KHDRBS2: variants seen among roughly 807,000 people sequenced by gnomAD.
The protein encoded by KHDRBS2 is KH RNA binding domain containing, signal transduction associated 2.
Under a neutral mutation model 44.3 loss-of-function variants are expected in KHDRBS2, and 26 were observed. The observed-to-expected ratio is 0.59, with a 90% CI of 0.43 to 0.81. The LOEUF (loss-of-function observed/expected upper bound fraction) is 0.81. Ranked by LOEUF, KHDRBS2 falls within the 40% of genes least tolerant of loss-of-function variation. The probability of loss-of-function intolerance (pLI) is 0.00; values close to 1 mark genes in which losing one functional copy is unlikely to be tolerated. For synonymous variants in KHDRBS2, 194 were observed against 151.1 expected (o/e 1.28, Z -2.08); for missense variants, 476 against 433.1 (o/e 1.10, Z -0.88).
At chr6:61,703,909 T>A (rs1769075837) in intron 7 of KHDRBS2, among the ~76,000 whole-genome samples, 1 of 151,886 alleles carries the variant, frequency 6.6e-6, no homozygotes, top group South Asian at 2.1e-4. Flanking sequence ...ATCCTGAATC[T>A]TCCCTTGGAG....
chr6:61,581,498 A>G, the KHDRBS2 span, among the ~76,000 whole-genome samples: 1 of 149,614 alleles, frequency 6.7e-6, no homozygotes, highest in Non-Finnish European at 1.5e-5. Context: ...AAGACATAAA[A>G]CTTGTGAAAT....
At chr6:61,895,066 A>G (rs1189813208) in intron 5 of KHDRBS2, among the ~76,000 whole-genome samples, 1 of 151,928 alleles carries the variant, frequency 6.6e-6, no homozygotes, top group Non-Finnish European at 1.5e-5. Flanking sequence ...AGTTCTTATA[A>G]AAACCATGTA....
intron 6 of KHDRBS2, among the ~76,000 whole-genome samples, chr6:61,811,669 T>G (rs1334942114): frequency 6.6e-6 from 1 of 152,148 alleles, no homozygotes; most frequent in Non-Finnish European, 1.5e-5. Flanking sequence ...AACATGTTTC[T>G]TGATATCTCA....
chr6:61,637,978 T>C, the KHDRBS2 span, among the ~76,000 whole-genome samples: 1 of 152,128 alleles, frequency 6.6e-6, no homozygotes, highest in African/African-American at 2.4e-5. Flanking sequence ...TCCCATTTTG[T>C]AGGTTGCCTG....
intron 2 of KHDRBS2, among the ~76,000 whole-genome samples, chr6:62,154,391 C>T (rs2150107770): frequency 6.6e-6 from 1 of 152,270 alleles, no homozygotes; most frequent in South Asian, 2.1e-4. Flanking sequence ...CCTAAAATTA[C>T]TTCACCAAAG....
At chr6:61,774,252 G>A (rs1239406850) in intron 6 of KHDRBS2, among the ~76,000 whole-genome samples, 16 of 152,064 alleles carry the variant, frequency 1.1e-4, no homozygotes, top group Admixed American at 2.6e-4. Flanking sequence ...CCATTTTCAC[G>A]ATATTGATTC....
chr6:62,217,406 CAT>C (rs1830200403), intron 1 of KHDRBS2, among the ~76,000 whole-genome samples: 1 of 151,854 alleles, frequency 6.6e-6, no homozygotes, highest in South Asian at 2.1e-4. Flanking sequence ...TAGAAGTAAA[CAT>C]ATATAATTTA....
chr6:62,016,482 A>G (rs1292110822), intron 3 of KHDRBS2, among the ~76,000 whole-genome samples: 1 of 150,934 alleles, frequency 6.6e-6, no homozygotes, highest in African/African-American at 2.4e-5. Flanking sequence ...ACATATGTAT[A>G]TATATATAGT....
At chr6:61,574,520 G>A in the KHDRBS2 span, 2,739 of 705,468 alleles carry the variant, frequency 3.9e-3, 67 homozygotes, top group African/African-American at 0.044. Flanking sequence ...GGGCGACCTC[G>A]GAGTATAACC....
chr6:61,751,930 T>G (rs1046299879), intron 6 of KHDRBS2, among the ~76,000 whole-genome samples: 2 of 139,838 alleles, frequency 1.4e-5, no homozygotes, highest in African/African-American at 2.5e-5. Context: ...CTTTCCTCTG[T>G]GTACACACTT....
chr6:62,042,902 A>T (rs1391123248), intron 3 of KHDRBS2, among the ~76,000 whole-genome samples: 2 of 152,106 alleles, frequency 1.3e-5, no homozygotes, highest in Non-Finnish European at 2.9e-5. Flanking sequence ...TTTAACATAT[A>T]ATCATGAGAC....
chr6:62,149,423 C>T (rs2150104159), intron 2 of KHDRBS2, among the ~76,000 whole-genome samples: 1 of 152,166 alleles, frequency 6.6e-6, no homozygotes. Context: ...TCTAGAGCAA[C>T]AGCTATCTTA....
intron 3 of KHDRBS2, among the ~76,000 whole-genome samples, chr6:62,001,351 A>G (rs1277927665): frequency 6.6e-6 from 1 of 152,024 alleles, no homozygotes; most frequent in East Asian, 1.9e-4. Context: ...TTGTGGGTGT[A>G]TGACGTAAAA....
At chr6:62,026,444 T>TA (rs1401316918) in intron 3 of KHDRBS2, among the ~76,000 whole-genome samples, 147 of 139,070 alleles carry the variant, frequency 1.1e-3, no homozygotes, top group South Asian at 2.5e-3. Context: ...TATTATTTTT[T>TA]TTTTTGGAGA....
intron 2 of KHDRBS2, among the ~76,000 whole-genome samples, chr6:62,049,512 A>C (rs1401984938): frequency 6.6e-6 from 1 of 151,450 alleles, no homozygotes; most frequent in African/African-American, 2.4e-5. Flanking sequence ...AAAATCCCTA[A>C]TGTATCAGTG....
chr6:62,144,560 T>C (rs1036865682), intron 2 of KHDRBS2, among the ~76,000 whole-genome samples: 2 of 151,970 alleles, frequency 1.3e-5, no homozygotes, highest in Admixed American at 1.3e-4. Flanking sequence ...AACAGCTACA[T>C]GCTCTTTACA....
the KHDRBS2 span, chr6:61,630,313 G>A: frequency 6.6e-6 from 1 of 152,138 alleles, no homozygotes; most frequent in South Asian, 2.1e-4. Flanking sequence ...TTGAATCAAA[G>A]TTGACCTCGG....
chr6:61,862,024 T>C (rs1349603766), intron 6 of KHDRBS2, among the ~76,000 whole-genome samples: 1 of 152,136 alleles, frequency 6.6e-6, no homozygotes, highest in Non-Finnish European at 1.5e-5. Context: ...TGTCTATTGT[T>C]GGTGTATAGG....
At chr6:61,753,211 T>C (rs1671300909) in intron 6 of KHDRBS2, among the ~76,000 whole-genome samples, 1 of 152,126 alleles carries the variant, frequency 6.6e-6, no homozygotes, top group South Asian at 2.1e-4. Context: ...ATCATCCCTC[T>C]TTGTCTTTCA....
Sources: allele counts gnomAD v4.1 joint callset (sites outside exome capture counted in the v4.1 genomes callset), GRCh38; gene constraint gnomAD v4.1.1; transcripts MANE v1.5; gene names NCBI Gene and HGNC (gene_info 2026-07-23, HGNC 2026-07-21).